Variants in TRPC7 observed in about 807,000 individuals in gnomAD.
TRPC7 encodes the protein transient receptor potential cation channel subfamily C member 7, also known as short transient receptor potential channel 7.
A neutral mutation model predicts 90.1 loss-of-function variants in TRPC7; 42 were observed. The ratio of observed to expected loss-of-function variants is 0.47; its 90% CI spans 0.36 to 0.60. The LOEUF is 0.60. Among genes scored for constraint, TRPC7 ranks in the 20% least tolerant of loss-of-function variants. TRPC7 has a pLI of 0.00. For synonymous variants in TRPC7, 451 were observed against 436.3 expected (o/e 1.03, Z -0.42); for missense variants, 955 against 1,112.3 (o/e 0.86, Z 2.01).
chr5:136,349,634 C>T (rs565517890), intron 2 of TRPC7, among the ~76,000 whole-genome samples: 1 of 152,176 alleles, frequency 6.6e-6, no homozygotes, highest in Non-Finnish European at 1.5e-5. Context: ...TTACTTAATA[C>T]TATATGTGCC....
At chr5:136,321,178 C>T (rs759119003) in intron 2 of TRPC7, among the ~76,000 whole-genome samples, 1 of 152,150 alleles carries the variant, frequency 6.6e-6, no homozygotes, top group Non-Finnish European at 1.5e-5. Context: ...CCTGATCTTT[C>T]CCTCTCATCC....
In TRPC7 at chr5:136,250,898, G is replaced by A. The variant is rs144774371; in HGVS notation, c.1579+751C>T. 7.2e-5 allele frequency among the ~76,000 whole-genome samples: 11 copies of A among 152,244 alleles called. No homozygotes were observed. The East Asian group carries it at 2.1e-3, about 29-fold the overall frequency. ...ATGATTTTCAAATCATGTCAGGCCA[G>A]GATTCCCTGCTATACAAGGCAATCC... On this transcript the variant is annotated intron_variant, in intron 6 of 11. Coordinates refer to ENST00000513104, the MANE Select transcript of TRPC7 (RefSeq NM_020389.3).
At chr5:136,262,568 C>T (rs1756893789) in intron 5 of TRPC7, among the ~76,000 whole-genome samples, 1 of 152,116 alleles carries the variant, frequency 6.6e-6, no homozygotes, top group Non-Finnish European at 1.5e-5. Context: ...TGGTTATTGG[C>T]TGGATATTTG....
At chr5:136,273,711 T>A (rs1757274458) in intron 4 of TRPC7, among the ~76,000 whole-genome samples, 1 of 152,252 alleles carries the variant, frequency 6.6e-6, no homozygotes, top group Non-Finnish European at 1.5e-5. Flanking sequence ...CTAATCTCCC[T>A]GTAGTCATAT....
At chr5:136,319,926 C>G (rs929535029) in intron 2 of TRPC7, among the ~76,000 whole-genome samples, 3 of 152,138 alleles carry the variant, frequency 2.0e-5, no homozygotes, top group African/African-American at 4.8e-5. Context: ...CTTCTTTTAT[C>G]CATTTACACT....
intron 8 of TRPC7, among the ~76,000 whole-genome samples, chr5:136,229,560 G>A (rs1025203090): frequency 3.9e-5 from 6 of 152,134 alleles, no homozygotes; most frequent in African/African-American, 1.2e-4. Flanking sequence ...TTCTTGGACT[G>A]GTGGCAAGGC....
At chr5:136,233,443 T>C (rs1755879134) in intron 7 of TRPC7, among the ~76,000 whole-genome samples, 1 of 152,212 alleles carries the variant, frequency 6.6e-6, no homozygotes, top group African/African-American at 2.4e-5. Context: ...TGTCCCATTA[T>C]GAACAATCTT....
chr5:136,275,695 C>A (rs981867585), intron 3 of TRPC7, among the ~76,000 whole-genome samples: 8 of 152,188 alleles, frequency 5.3e-5, no homozygotes, highest in African/African-American at 1.7e-4. Context: ...CCTGCCCTCA[C>A]CCCTGGATTC....
chr5:136,317,512 G>A (rs1759059035), intron 2 of TRPC7, among the ~76,000 whole-genome samples: 1 of 152,158 alleles, frequency 6.6e-6, no homozygotes, highest in Admixed American at 6.5e-5. Flanking sequence ...TAAGCCAGAG[G>A]TAGGAGGCTC....
chr5:136,240,889 T>C (rs1756141048), intron 7 of TRPC7, among the ~76,000 whole-genome samples: 1 of 152,122 alleles, frequency 6.6e-6, no homozygotes, highest in African/African-American at 2.4e-5. Context: ...ATTATTATTA[T>C]TATTATTGCT....
intron 2 of TRPC7, among the ~76,000 whole-genome samples, chr5:136,328,045 T>C (rs1167627873): frequency 6.6e-6 from 1 of 152,194 alleles, no homozygotes; most frequent in Non-Finnish European, 1.5e-5. Context: ...ATACAATTAA[T>C]TGTTTCATTA....
At chr5:136,348,585 G>A (rs1342902036) in intron 2 of TRPC7, among the ~76,000 whole-genome samples, 1 of 152,114 alleles carries the variant, frequency 6.6e-6, no homozygotes, top group African/African-American at 2.4e-5. Context: ...AGGTCCTTGA[G>A]GGCAGGAACT....
chr5:136,365,159 G>C, intron 1 of TRPC7, 94 bp downstream of exon 1: 2 of 1,364,280 alleles, frequency 1.5e-6, no homozygotes, highest in Non-Finnish European at 2.0e-6. Flanking sequence ...GAGGAAGAAG[G>C]CTGATAAATG....
chr5:136,305,604 T>C, intron 3 of TRPC7, among the ~76,000 whole-genome samples: 1 of 152,158 alleles, frequency 6.6e-6, no homozygotes, highest in Non-Finnish European at 1.5e-5. Flanking sequence ...TTTCACTGAA[T>C]AAGTAAAGGC....
chr5:136,348,666 T>C (rs1760087286), intron 2 of TRPC7, among the ~76,000 whole-genome samples: 1 of 152,228 alleles, frequency 6.6e-6, no homozygotes, highest in South Asian at 2.1e-4. Context: ...TATGTATTCA[T>C]TGCATGAATA....
At chr5:136,264,846 C>T (rs1370914760) in intron 5 of TRPC7, among the ~76,000 whole-genome samples, 3 of 152,166 alleles carry the variant, frequency 2.0e-5, no homozygotes, top group East Asian at 3.8e-4. Flanking sequence ...CCCCTTCGGC[C>T]TTCCAAAGTG....
At chr5:136,291,919 G>T (rs1248625373) in intron 3 of TRPC7, among the ~76,000 whole-genome samples, 1 of 152,080 alleles carries the variant, frequency 6.6e-6, no homozygotes, top group Non-Finnish European at 1.5e-5. Flanking sequence ...AAATGTAAAA[G>T]AACAGAAATT....
At chr5:136,306,528 A>G (rs143932248) in intron 3 of TRPC7, among the ~76,000 whole-genome samples, 4,277 of 152,068 alleles carry the variant, frequency 0.028, 92 homozygotes, top group African/African-American at 0.053. Flanking sequence ...CTTCAACACT[A>G]TTTTATTTTT....
chr5:136,229,468 A>C (rs1457461084), intron 8 of TRPC7, among the ~76,000 whole-genome samples: 1 of 152,178 alleles, frequency 6.6e-6, no homozygotes, highest in Non-Finnish European at 1.5e-5. Context: ...AGCAAGTTAG[A>C]AGGTGACTTG....
Sources: gnomAD v4.1 joint callset for allele counts (sites outside exome capture counted in the v4.1 genomes callset) on GRCh38, gnomAD v4.1.1 for gene constraint, MANE v1.5 for transcripts, NCBI Gene and HGNC (gene_info 2026-07-23, HGNC 2026-07-21) for gene names.